The following PCSK6 variants were observed in gnomAD, a reference collection of about 807,000 sequenced individuals.
The protein encoded by PCSK6 is proprotein convertase subtilisin/kexin type 6.
A neutral mutation model predicts 123.3 loss-of-function variants in PCSK6; 85 were observed. The observed-to-expected ratio is 0.69, with a 90% CI of 0.58 to 0.83. The LOEUF (loss-of-function observed/expected upper bound fraction) is 0.83, where lower values mean the gene tolerates loss of function less well. Among genes scored for constraint, PCSK6 ranks in the 40% least tolerant of loss-of-function variants. The pLI is 0.00. For missense variants in PCSK6, 1,191 were observed against 1,282.3 expected (o/e 0.93, Z 1.09); for synonymous variants, 508 against 516.0 (o/e 0.98, Z 0.21).
At chr15:101,413,728 A>T (rs2055786275) in intron 6 of PCSK6, among the ~76,000 whole-genome samples, 1 of 152,208 alleles carries the variant, frequency 6.6e-6, no homozygotes, top group Non-Finnish European at 1.5e-5. Flanking sequence ...TAAACACCCA[A>T]GATGACGGAT....
In PCSK6 at chr15:101,369,119, T is replaced by C. The variant is rs184192215; in HGVS notation, c.1721+1216A>G. Among the ~76,000 whole-genome samples, 272 of 152,216 alleles carry C rather than the reference T, an allele frequency of 1.8e-3. 1 individual carries two copies. Among genetic ancestry groups the C allele is most frequent in the African/African-American group, 6.3e-3 (260 of 41,548 alleles). The stretch of plus-strand genomic sequence containing the variant: ...GATTCCAGTGCACCGAGGACAAAGC[T>C]GGTGCCGGGCCCGCCACCTGCTGCC... On this transcript the variant is annotated intron_variant, in intron 12 of 21. Coordinates refer to ENST00000611716, the MANE Select transcript of PCSK6 (RefSeq NM_002570.5).
At chr15:101,382,568 C>A (rs2041941206) in intron 10 of PCSK6, among the ~76,000 whole-genome samples, 1 of 152,112 alleles carries the variant, frequency 6.6e-6, no homozygotes, top group Admixed American at 6.5e-5. Flanking sequence ...AATCTAAGAC[C>A]AGACAAGAGA....
intron 11 of PCSK6, among the ~76,000 whole-genome samples, chr15:101,380,018 G>A (rs901980438): frequency 4.6e-5 from 7 of 152,272 alleles, no homozygotes; most frequent in East Asian, 1.9e-4. Flanking sequence ...GGTGTGAGAC[G>A]GTAGGCTGGC....
At position 101,444,992 on chromosome 15, in the gene PCSK6, G is replaced by A. The variant is rs80347847; in HGVS notation, c.298-1332C>T. Among the ~76,000 whole-genome samples the A allele has an allele frequency of 4.6e-5, 7 of 152,314 alleles. No individual in the cohort carries two copies. The East Asian group carries it at 9.6e-4, about 21-fold the overall frequency. ...CTGGCAGCCTTGCTGTCTCCTGTTC[G>A]TGGGTTTAGGAGACACCACTTTGTC... is the stretch of plus-strand genomic sequence containing the variant. On this transcript the variant is annotated intron_variant, in intron 1 of 21. Coordinates refer to ENST00000611716, the MANE Select transcript of PCSK6 (RefSeq NM_002570.5).
chr15:101,457,461 G>A (rs2057217329), intron 1 of PCSK6, among the ~76,000 whole-genome samples: 1 of 152,230 alleles, frequency 6.6e-6, no homozygotes, highest in Non-Finnish European at 1.5e-5. Context: ...GCCTCCCAGG[G>A]CGCAGGCTGG....
chr15:101,415,008 T>A (rs1331339842), intron 6 of PCSK6, among the ~76,000 whole-genome samples: 1 of 152,256 alleles, frequency 6.6e-6, no homozygotes, highest in Admixed American at 6.5e-5. Flanking sequence ...ACAGGTGTTA[T>A]ATCAGCCAAA....
rs376981204 is a variant in PCSK6 at position 101,412,712 on chromosome 15, T to TATATATAA, written c.824-14137_824-14136insTTATATAT. On this transcript the variant is annotated intron_variant, in intron 6 of 21. Transcript: ENST00000611716. Reference sequence around the variant, plus strand: ...AAAATTATATATATATATATATATATAAAATTACCCAATCTGAACAACATA... The same window carrying TATATATAA: ...AAAATTATATATATATATATATATATATATATAAAAAATTACCCAATCTGAACAACATA... Among the ~76,000 whole-genome samples, 59 of 136,376 alleles carry TATATATAA rather than the reference T, an allele frequency of 4.3e-4. 1 individual carries two copies. The highest frequency in any genetic ancestry group is 1.4e-3 in the Admixed American group (20 of 14,094). 89.5% of individuals were successfully genotyped at this position (136,376 alleles called of 152,430 possible). A position where few individuals can be genotyped will look rare whatever the true frequency, so the allele number is the denominator to read the frequency against.
At chr15:101,345,868 CT>C (rs1316082968) in intron 13 of PCSK6, among the ~76,000 whole-genome samples, 2 of 152,130 alleles carry the variant, frequency 1.3e-5, no homozygotes, top group Non-Finnish European at 2.9e-5. Flanking sequence ...GGGTTTCACC[CT>C]GTTGGCCAGG....
intron 1 of PCSK6, among the ~76,000 whole-genome samples, chr15:101,463,349 A>G (rs934332099): frequency 3.9e-5 from 6 of 152,140 alleles, no homozygotes; most frequent in South Asian, 2.1e-4. Context: ...TGCTCTACCA[A>G]GGAGACTTGT....
At chr15:101,483,768 T>C (rs771593243) in intron 1 of PCSK6, among the ~76,000 whole-genome samples, 3 of 152,260 alleles carry the variant, frequency 2.0e-5, no homozygotes, top group African/African-American at 2.4e-5. Context: ...CTGGGCTCCG[T>C]GTCCAGCTCT....
intron 15 of PCSK6, among the ~76,000 whole-genome samples, chr15:101,327,968 C>T (rs1163022023): frequency 6.6e-6 from 1 of 152,198 alleles, no homozygotes; most frequent in Admixed American, 6.5e-5. Flanking sequence ...CATTACTAAA[C>T]TCCTCCCCCC....
Position 101,384,303 on chromosome 15 carries a change from C to A in PCSK6, c.1414+19G>T. 6.2e-7 allele frequency: 1 copy of A among 1,612,084 alleles called. No homozygotes were observed. The highest frequency in any genetic ancestry group is 8.5e-7 in the Non-Finnish European group (1 of 1,178,550). Reference sequence around the variant, plus strand: ...ATTCCAGGGCCACCCAATGGTCCACCAGAACGCCACTGCCGCACCTTTATG... The same window carrying A: ...ATTCCAGGGCCACCCAATGGTCCACAAGAACGCCACTGCCGCACCTTTATG... On this transcript the variant is annotated intron_variant, in intron 10 of 21. Transcript: ENST00000611716.
intron 13 of PCSK6, among the ~76,000 whole-genome samples, chr15:101,334,734 T>G (rs1451879029): frequency 6.6e-6 from 1 of 152,162 alleles, no homozygotes; most frequent in African/African-American, 2.4e-5. Flanking sequence ...AAAGGCCTGG[T>G]CACCAAAACT....
chr15:101,346,692 G>A lies in PCSK6; in HGVS notation c.1859-14661C>T, dbSNP rs7175743. On this transcript the variant is annotated intron_variant, in intron 13 of 21. Transcript: ENST00000611716. ...AACTGAGGGCAAATCTGGGAAAGGG[G>A]TTTCAAGAGAGCTCTCCCTCTTCCT... is the stretch of plus-strand genomic sequence containing the variant. 6.4e-3 allele frequency: 7,187 copies of A among 1,119,072 alleles called. 217 individuals are homozygous for A. The African/African-American group carries it at 0.08, about 12-fold the overall frequency. 69.3% of individuals were successfully genotyped at this position (1,119,072 alleles called of 1,614,324 possible). A position where few individuals can be genotyped will look rare whatever the true frequency, so the allele number is the denominator to read the frequency against.
At chr15:101,453,410 C>T (rs1031937673) in intron 1 of PCSK6, among the ~76,000 whole-genome samples, 1 of 152,188 alleles carries the variant, frequency 6.6e-6, no homozygotes. Flanking sequence ...CTGCTGCTCG[C>T]TAACTTCCCT....
chr15:101,358,026 A>G (rs956609634), intron 13 of PCSK6, among the ~76,000 whole-genome samples: 1 of 152,152 alleles, frequency 6.6e-6, no homozygotes, highest in African/African-American at 2.4e-5. Flanking sequence ...GAGGGGAGTT[A>G]GGGCAGGTCA....
At chr15:101,475,022 A>G (rs1158553088) in intron 1 of PCSK6, among the ~76,000 whole-genome samples, 1 of 152,148 alleles carries the variant, frequency 6.6e-6, no homozygotes, top group Admixed American at 6.5e-5. Flanking sequence ...TCCTCTGTGA[A>G]CATTCTATGG....
At chr15:101,346,811 T>G in intron 13 of PCSK6, 1 of 1,231,480 alleles carries the variant, frequency 8.1e-7, no homozygotes, top group Non-Finnish European at 1.0e-6. Flanking sequence ...TGTTATGCTT[T>G]CTACTGGAGA....
intron 10 of PCSK6, among the ~76,000 whole-genome samples, chr15:101,383,761 C>A (rs1419991216): frequency 6.6e-6 from 1 of 152,122 alleles, no homozygotes; most frequent in African/African-American, 2.4e-5. Flanking sequence ...ACACAAACAA[C>A]ATTTATTTTA....
Sources: allele counts gnomAD v4.1 joint callset (sites outside exome capture counted in the v4.1 genomes callset), GRCh38; gene constraint gnomAD v4.1.1; transcripts MANE v1.5; gene names NCBI Gene and HGNC (gene_info 2026-07-23, HGNC 2026-07-21).